The following C10orf90 variants were observed in gnomAD, a reference collection of about 807,000 sequenced individuals.
C10orf90 encodes the protein chromosome 10 open reading frame 90.
A neutral mutation model predicts 62.5 loss-of-function variants in C10orf90; 56 were observed. The observed-to-expected ratio is 0.90, with a 90% CI of 0.72 to 1.12. The LOEUF (loss-of-function observed/expected upper bound fraction) is 1.12. Ranked by LOEUF, C10orf90 falls within the 50% of genes most tolerant of loss-of-function variation. C10orf90 has a pLI of 0.00. For missense variants in C10orf90, 970 were observed against 880.4 expected, an observed-to-expected ratio of 1.10 and a Z score of -1.29; for synonymous variants, 386 against 340.4, an observed-to-expected ratio of 1.13 and a Z score of -1.47.
chr10:126,623,348 C>T (rs997397653), intron 2 of C10orf90, among the ~76,000 whole-genome samples: 4 of 152,182 alleles, frequency 2.6e-5, no homozygotes, highest in Admixed American at 2.0e-4. Flanking sequence ...TTTGTCTTCT[C>T]CAAATTTCGG....
intron 1 of C10orf90, among the ~76,000 whole-genome samples, chr10:126,664,563 T>C (rs1442778244): frequency 6.6e-6 from 1 of 152,136 alleles, no homozygotes; most frequent in Non-Finnish European, 1.5e-5. Flanking sequence ...GTGCTCTTTC[T>C]CTTAACCACA....
At chr10:126,511,318 G>A (rs1416073647) in intron 3 of C10orf90, among the ~76,000 whole-genome samples, 6 of 152,168 alleles carry the variant, frequency 3.9e-5, no homozygotes, top group African/African-American at 9.7e-5. Context: ...ATAGAGCAGT[G>A]AGAAGCCAGA....
intron 2 of C10orf90, among the ~76,000 whole-genome samples, chr10:126,631,617 G>A (rs1845851794): frequency 1.3e-5 from 2 of 152,042 alleles, no homozygotes; most frequent in African/African-American, 4.8e-5. Context: ...GCCCGGCACA[G>A]TTCCTGGTGC....
intron 2 of C10orf90, among the ~76,000 whole-genome samples, chr10:126,617,291 A>C (rs1057443515): frequency 6.6e-6 from 1 of 152,110 alleles, no homozygotes; most frequent in African/African-American, 2.4e-5. Context: ...GCAGAGCTTG[A>C]TCTCCAGTTT....
chr10:126,604,498 G>C (rs1289304396), intron 2 of C10orf90, among the ~76,000 whole-genome samples: 2 of 152,188 alleles, frequency 1.3e-5, no homozygotes, highest in Admixed American at 6.5e-5. Context: ...AGCCTTCAGG[G>C]AGAAGCTCAG....
chr10:126,515,118 C>G (rs141711667), intron 2 of C10orf90, among the ~76,000 whole-genome samples: 1 of 152,228 alleles, frequency 6.6e-6, no homozygotes, highest in Non-Finnish European at 1.5e-5. Context: ...GCATGACAAC[C>G]TTTCGGTCAA....
chr10:126,649,536 TC>T (rs2133856414), intron 1 of C10orf90, among the ~76,000 whole-genome samples: 1 of 152,280 alleles, frequency 6.6e-6, no homozygotes, highest in South Asian at 2.1e-4. Context: ...ATCTTCCTGG[TC>T]CTTCTGGAGC....
intron 1 of C10orf90, among the ~76,000 whole-genome samples, chr10:126,647,925 C>T (rs942051371): frequency 2.6e-5 from 4 of 152,150 alleles, no homozygotes; most frequent in East Asian, 1.9e-4. Flanking sequence ...AGACCCAACA[C>T]GCTAGCTTTT....
chr10:126,667,674 G>A (rs1044350673), intron 1 of C10orf90, among the ~76,000 whole-genome samples: 2 of 152,090 alleles, frequency 1.3e-5, no homozygotes, highest in Admixed American at 1.3e-4. Context: ...TCCCAAGCTG[G>A]CAAAACCACG....
chr10:126,433,711 G>GAAAAC lies in C10orf90; in HGVS notation c.2189-3866_2189-3862dup, dbSNP rs549916836. Among the ~76,000 whole-genome samples the GAAAAC allele has an allele frequency of 6.1e-4, 92 of 152,062 alleles. 2 individuals carry two copies. In the South Asian group the frequency reaches 9.8e-3, roughly 16 times the overall value. On this transcript the variant is annotated intron_variant, in intron 7 of 9. Coordinates refer to ENST00000488181, the MANE Select transcript of C10orf90 (RefSeq NM_001350921.2). ...AAACCAACCTGCATGAGCTTTGTTT[G>GAAAAC]AAAACAAAACAAAACAAAACGAAAA...
chr10:126,495,897 A>G (rs1412098244), intron 4 of C10orf90, among the ~76,000 whole-genome samples: 8 of 152,196 alleles, frequency 5.3e-5, no homozygotes, highest in African/African-American at 1.9e-4. Context: ...AATGATAATT[A>G]CAAAATGGTT....
chr10:126,585,461 A>G lies in C10orf90; in HGVS notation c.313+61104T>C, dbSNP rs11598839. ...GAAAGAAGGAAAGGAGGGAAGAAGG[A>G]AGGAAAGGAAGAGAGGGGGAAGGAG... On this transcript the variant is annotated intron_variant, in intron 2 of 9. Coordinates refer to ENST00000488181, the MANE Select transcript of C10orf90 (RefSeq NM_001350921.2). Among the ~76,000 whole-genome samples, 326 of 55,626 alleles carry G rather than the reference A, an allele frequency of 5.9e-3. 1 individual carries two copies. The highest frequency in any genetic ancestry group is 0.022 in the East Asian group (36 of 1,632). The allele number at this position is 55,626 out of a possible 152,430, so 36.5% of individuals were successfully genotyped here. A position where few individuals can be genotyped will look rare whatever the true frequency, so the allele number is the denominator to read the frequency against.
Position 126,504,613 on chromosome 10 carries a change from G to A in C10orf90, c.878C>T (p.Thr293Ile). ...CACGGAGCTGTTTCTGGAGAACTCT[G>A]TGCAGGCAAAAGATCTCTGATGCCG... ...PGRHQRSFACTEFSRNSSVVR... is the reference protein window; with the variant it reads ...PGRHQRSFACIEFSRNSSVVR... The change falls in exon 4 of 10, where the codon ACA (threonine) becomes ATA (isoleucine). Residue 293 changes from threonine to isoleucine, a missense_variant. By Grantham distance (89) the Thr-to-Ile change is moderately conservative (BLOSUM62 -1). Coordinates refer to ENST00000488181, the MANE Select transcript of C10orf90 (RefSeq NM_001350921.2). This position sits in a 1 kb window ranked among gnomAD's most constrained non-coding sequence, Gnocchi z 4.1. 3 of 1,614,232 alleles carry A rather than the reference G, an allele frequency of 1.9e-6. No homozygotes were observed. Among genetic ancestry groups the A allele is most frequent in the African/African-American group, 1.3e-5 (1 of 75,072 alleles).
At chr10:126,568,728 C>T (rs562668083) in intron 2 of C10orf90, among the ~76,000 whole-genome samples, 39 of 152,266 alleles carry the variant, frequency 2.6e-4, no homozygotes, top group African/African-American at 9.4e-4. Context: ...GACAGCCAGA[C>T]AGAGGTGCTT....
chr10:126,597,173 C>T (rs1281326423), intron 2 of C10orf90, among the ~76,000 whole-genome samples: 1 of 152,200 alleles, frequency 6.6e-6, no homozygotes, highest in Non-Finnish European at 1.5e-5. Flanking sequence ...TATATGTTTA[C>T]ATGTAACCCA....
intron 4 of C10orf90, among the ~76,000 whole-genome samples, chr10:126,498,858 C>A (rs1862225625): frequency 6.6e-6 from 1 of 152,230 alleles, no homozygotes; most frequent in South Asian, 2.1e-4. Flanking sequence ...GACTGCACCG[C>A]AGAACACCTT....
chr10:126,474,665 T>C lies in C10orf90; in HGVS notation c.1535-9679A>G, dbSNP rs571368521. Among the ~76,000 whole-genome samples the C allele has an allele frequency of 5.9e-5, 9 of 152,386 alleles. No homozygotes were observed. In the South Asian group the frequency reaches 1.9e-3, roughly 32 times the overall value. On this transcript the variant is annotated intron_variant, in intron 4 of 9. Coordinates refer to ENST00000488181, the MANE Select transcript of C10orf90 (RefSeq NM_001350921.2). Reference sequence around the variant, plus strand: ...AAATAATTATTAAATTATGATAATGTTGACACCAAACATCGGTCATATCAA... The same window carrying C: ...AAATAATTATTAAATTATGATAATGCTGACACCAAACATCGGTCATATCAA...
chr10:126,654,377 C>T (rs932481049), intron 1 of C10orf90, among the ~76,000 whole-genome samples: 2 of 152,228 alleles, frequency 1.3e-5, no homozygotes, highest in Non-Finnish European at 2.9e-5. Flanking sequence ...CTTCGCCGTG[C>T]ACTTTGATGT....
At chr10:126,449,546 T>G (rs1294366676) in intron 7 of C10orf90, among the ~76,000 whole-genome samples, 2 of 152,002 alleles carry the variant, frequency 1.3e-5, no homozygotes, top group African/African-American at 2.4e-5. Context: ...TGGCAATTAT[T>G]TAAGAAAAAA....
Sources: gnomAD v4.1 joint callset for allele counts (sites outside exome capture counted in the v4.1 genomes callset) on GRCh38, gnomAD v4.1.1 for gene constraint, Gnocchi (gnomAD v3.1) non-coding constraint, MANE v1.5 for transcripts, NCBI Gene and HGNC (gene_info 2026-07-23, HGNC 2026-07-21) for gene names.